Variants in KAZN observed in about 807,000 individuals in gnomAD.
The protein encoded by KAZN is kazrin.
Under a neutral mutation model 87.4 loss-of-function variants are expected in KAZN, and 40 were observed. The observed-to-expected ratio is 0.46, with a 90% CI of 0.36 to 0.60. KAZN has a LOEUF of 0.60. Ranked by LOEUF, KAZN falls within the 20% of genes least tolerant of loss-of-function variation. The probability of loss-of-function intolerance (pLI) is 0.00; values close to 1 mark genes in which losing one functional copy is unlikely to be tolerated. For missense variants in KAZN, 898 were observed against 1,073.9 expected, an observed-to-expected ratio of 0.84 and a Z score of 2.29; for synonymous variants, 466 against 458.3, an observed-to-expected ratio of 1.02 and a Z score of -0.22.
intron 1 of KAZN, among the ~76,000 whole-genome samples, chr1:14,159,590 G>T (rs765766487): frequency 2.6e-5 from 4 of 152,206 alleles, no homozygotes; most frequent in Non-Finnish European, 5.9e-5. Flanking sequence ...CCTACTTGGT[G>T]CTCTACCCCT....
chr1:14,250,340 G>C (rs1571141257), intron 2 of KAZN, among the ~76,000 whole-genome samples: 1 of 151,734 alleles, frequency 6.6e-6, no homozygotes, highest in South Asian at 2.1e-4. Flanking sequence ...TTTTGCTTCA[G>C]AATCTTAATG....
At chr1:14,890,155 T>C (rs950707126) in intron 1 of KAZN, among the ~76,000 whole-genome samples, 1 of 152,222 alleles carries the variant, frequency 6.6e-6, no homozygotes, top group Non-Finnish European at 1.5e-5. Context: ...GCCTTTCCCT[T>C]CCCTGCTCTG....
intron 2 of KAZN, among the ~76,000 whole-genome samples, chr1:14,242,869 C>T (rs929843408): frequency 4.6e-5 from 7 of 151,950 alleles, no homozygotes; most frequent in Non-Finnish European, 1.0e-4. Flanking sequence ...TGTCCTTGAT[C>T]TCTCAAAACG....
chr1:14,925,009 A>G (rs1659019389), intron 1 of KAZN, among the ~76,000 whole-genome samples: 1 of 152,248 alleles, frequency 6.6e-6, no homozygotes, highest in Non-Finnish European at 1.5e-5. Flanking sequence ...CCGAGGCGAA[A>G]TTGATGCCTC....
At chr1:14,352,063 A>G (rs1459510815) in intron 2 of KAZN, among the ~76,000 whole-genome samples, 1 of 152,172 alleles carries the variant, frequency 6.6e-6, no homozygotes, top group Non-Finnish European at 1.5e-5. Context: ...TTATTTCTCT[A>G]TTGCAGTTAT....
At chr1:14,554,567 C>T (rs765100184) in intron 2 of KAZN, among the ~76,000 whole-genome samples, 4 of 152,190 alleles carry the variant, frequency 2.6e-5, no homozygotes, top group Non-Finnish European at 5.9e-5. Flanking sequence ...CAGACAATGT[C>T]CCTCCTCAAC....
rs1650187834 is a variant in KAZN at position 14,856,938 on chromosome 1, T to C, written c.227-103746T>C. On this transcript the variant is annotated intron_variant, in intron 1 of 14. Transcript: ENST00000376030. The surrounding 1 kb of genome is among the most constrained non-coding windows in gnomAD (Gnocchi z 5.2). ...AAAGATGCTTTGGAAACTATCTTCA[T>C]CCACACATAGGGGTTTCTGCAGAGG... Among the ~76,000 whole-genome samples the C allele has an allele frequency of 6.6e-6, 1 of 152,142 alleles. No homozygotes were observed. Among genetic ancestry groups the C allele is most frequent in the African/African-American group, 2.4e-5 (1 of 41,430 alleles).
chr1:14,891,713 A>G (rs1444975666), intron 1 of KAZN, among the ~76,000 whole-genome samples: 2 of 152,242 alleles, frequency 1.3e-5, no homozygotes, highest in African/African-American at 2.4e-5. Context: ...TTTCTTTAGG[A>G]GAGAAGAAAA....
intron 1 of KAZN, among the ~76,000 whole-genome samples, chr1:14,151,232 C>A: frequency 6.6e-6 from 1 of 151,842 alleles, no homozygotes; most frequent in Admixed American, 6.6e-5. Flanking sequence ...TATGAGTGAC[C>A]AATGTAACAT....
At chr1:14,847,519 C>G (rs529724198) in intron 1 of KAZN, among the ~76,000 whole-genome samples, 1 of 152,172 alleles carries the variant, frequency 6.6e-6, no homozygotes, top group Non-Finnish European at 1.5e-5. Flanking sequence ...GCCTTGGGTC[C>G]GCAGTGAGCT....
intron 2 of KAZN, among the ~76,000 whole-genome samples, chr1:14,971,269 G>T (rs1014318186): frequency 2.8e-4 from 43 of 152,274 alleles, no homozygotes; most frequent in Admixed American, 1.3e-3. Context: ...ATGGTGGCGC[G>T]TGCCTGTAAT....
intron 2 of KAZN, among the ~76,000 whole-genome samples, chr1:14,232,704 A>G (rs1411100662): frequency 6.6e-6 from 1 of 152,226 alleles, no homozygotes; most frequent in African/African-American, 2.4e-5. Context: ...TATGTCTGCT[A>G]GATTGTCTTC....
At chr1:14,849,867 A>C (rs2100973684) in intron 1 of KAZN, among the ~76,000 whole-genome samples, 1 of 152,152 alleles carries the variant, frequency 6.6e-6, no homozygotes, top group South Asian at 2.1e-4. Context: ...GCTTAGCAGC[A>C]GTTCTGGAAG....
chr1:15,022,478 T>C (rs970075952), intron 2 of KAZN, among the ~76,000 whole-genome samples: 1 of 152,082 alleles, frequency 6.6e-6, no homozygotes, highest in African/African-American at 2.4e-5. Flanking sequence ...AACAAGCAAA[T>C]GGTAGGGCCA....
chr1:14,326,358 T>G (rs1475336948), intron 2 of KAZN, among the ~76,000 whole-genome samples: 1 of 152,130 alleles, frequency 6.6e-6, no homozygotes, highest in Non-Finnish European at 1.5e-5. Flanking sequence ...AGCTCTATCC[T>G]CTTCAAAATA....
At chr1:14,984,593 C>T (rs1249034764) in intron 2 of KAZN, among the ~76,000 whole-genome samples, 1 of 152,058 alleles carries the variant, frequency 6.6e-6, no homozygotes, top group East Asian at 1.9e-4. Context: ...CCCCCTGTAG[C>T]AATGCATGTA....
At chr1:14,183,681 A>G (rs1646246306) in intron 2 of KAZN, among the ~76,000 whole-genome samples, 1 of 152,072 alleles carries the variant, frequency 6.6e-6, no homozygotes, top group African/African-American at 2.4e-5. Context: ...AGCAAATTAA[A>G]TCTCTCCTTG....
chr1:14,689,045 A>C (rs1055717565), intron 1 of KAZN, among the ~76,000 whole-genome samples: 1 of 152,100 alleles, frequency 6.6e-6, no homozygotes, highest in African/African-American at 2.4e-5. Context: ...AATCCAAAAA[A>C]TTAGCCAGAC....
intron 2 of KAZN, among the ~76,000 whole-genome samples, chr1:14,390,033 A>G (rs1662283663): frequency 6.6e-6 from 1 of 152,248 alleles, no homozygotes; most frequent in Non-Finnish European, 1.5e-5. Flanking sequence ...TAAGTGGATC[A>G]AAACCAAATA....
Sources: gnomAD v4.1 joint callset for allele counts (sites outside exome capture counted in the v4.1 genomes callset) on GRCh38, gnomAD v4.1.1 for gene constraint, Gnocchi (gnomAD v3.1) non-coding constraint, MANE v1.5 for transcripts, NCBI Gene and HGNC (gene_info 2026-07-23, HGNC 2026-07-21) for gene names.